The following UPRT variants were observed in gnomAD, a reference collection of about 807,000 sequenced individuals.
UPRT encodes RP11-311P8.3.
In UPRT, 5 loss-of-function variants were observed where a neutral mutation model predicts 22.6. The observed-to-expected ratio is 0.22, with a 90% CI of 0.12 to 0.47. UPRT has a LOEUF of 0.47. UPRT is among the 20% of genes least tolerant of loss of function. The probability of loss-of-function intolerance (pLI) is 0.99; values close to 1 mark genes in which losing one functional copy is unlikely to be tolerated. For missense variants in UPRT, 181 were observed against 239.9 expected (o/e 0.75, Z 1.62); for synonymous variants, 77 against 87.7 (o/e 0.88, Z 0.68).
intron 4 of UPRT, among the ~76,000 whole-genome samples, chrX:75,253,357 GAGAT>G (rs1444898337): frequency 8.9e-6 from 1 of 112,024 alleles, no homozygotes; most frequent in Non-Finnish European, 1.9e-5. Flanking sequence ...AAACCACAAT[GAGAT>G]AGCATCTCCA....
chrX:75,180,707 T>G lies in UPRT; in HGVS notation c.-447+12828T>G, dbSNP rs1035306773. The stretch of plus-strand genomic sequence containing the variant: ...TTTTTTTTTTTTTGTTTTTTTTTTT[T>G]TTTTTTTTTTTTTGCTTGTTAATTT... On this transcript the variant is annotated intron_variant, in intron 4 of 13. Transcript: ENST00000652605. Among the ~76,000 whole-genome samples the G allele has an allele frequency of 7.4e-4, 70 of 94,352 alleles. 1 individual carries two copies. Among genetic ancestry groups the G allele is most frequent in the Non-Finnish European group, 7.9e-4 (37 of 46,896 alleles). 81.9% of individuals were successfully genotyped at this position (94,352 alleles called of 115,157 possible). A position where few individuals can be genotyped will look rare whatever the true frequency, so the allele number is the denominator to read the frequency against.
At chrX:75,250,308 C>G (rs1319173631) in intron 4 of UPRT, among the ~76,000 whole-genome samples, 1 of 109,225 alleles carries the variant, frequency 9.2e-6, no homozygotes. Context: ...ATTGATAGAC[C>G]ACTAGCAAGA....
intron 4 of UPRT, among the ~76,000 whole-genome samples, chrX:75,234,119 A>C (rs1262706651): frequency 9.0e-6 from 1 of 110,709 alleles, no homozygotes; most frequent in East Asian, 2.8e-4. Flanking sequence ...AAACAAAAAA[A>C]GGCAGGGGTT....
intron 4 of UPRT, among the ~76,000 whole-genome samples, chrX:75,222,994 G>A (rs1402168685): frequency 1.8e-5 from 2 of 110,737 alleles, no homozygotes; most frequent in African/African-American, 6.6e-5. Flanking sequence ...CCCACGGCAA[G>A]TAGTACCTGG....
At chrX:75,225,491 T>C (rs1045376494) in intron 4 of UPRT, among the ~76,000 whole-genome samples, 3 of 111,008 alleles carry the variant, frequency 2.7e-5, no homozygotes, top group Admixed American at 9.6e-5. Flanking sequence ...CTGAGAATAA[T>C]GCTTCCAGTT....
intron 1 of UPRT, among the ~76,000 whole-genome samples, chrX:75,157,321 G>A (rs996561284): frequency 1.8e-5 from 2 of 112,296 alleles, no homozygotes; most frequent in African/African-American, 6.5e-5. Flanking sequence ...GAAATCTGTA[G>A]CCCATGCAGT....
chrX:75,266,490 GA>G (rs1037842674), intron 4 of UPRT, among the ~76,000 whole-genome samples: 38 of 111,324 alleles, frequency 3.4e-4, no homozygotes, highest in Non-Finnish European at 5.8e-4. Flanking sequence ...AAAAACCCTG[GA>G]AGAAAACCTA....
exon 3 of UPRT, among the ~76,000 whole-genome samples, chrX:75,163,191 A>T (rs775702219): frequency 3.8e-4 from 42 of 111,637 alleles, no homozygotes; most frequent in Non-Finnish European, 7.3e-4. Context: ...TTCCAGAAGG[A>T]TCCTCAGATC....
chrX:75,211,323 G>A (rs1158639513), intron 4 of UPRT, among the ~76,000 whole-genome samples: 1 of 111,432 alleles, frequency 9.0e-6, no homozygotes, highest in Non-Finnish European at 1.9e-5. Flanking sequence ...GTCCCCCAGA[G>A]GCCGGAGTGG....
chrX:75,212,217 A>G (rs2082382060), intron 4 of UPRT, among the ~76,000 whole-genome samples: 2 of 112,453 alleles, frequency 1.8e-5, no homozygotes, highest in African/African-American at 6.5e-5. Flanking sequence ...TTATCCAAAA[A>G]CCACAGAATA....
chrX:75,301,878 A>G (rs756225824), intron 6 of UPRT, among the ~76,000 whole-genome samples: 1 of 112,155 alleles, frequency 8.9e-6, no homozygotes, highest in South Asian at 3.7e-4. Flanking sequence ...ACAGACACAC[A>G]GTGTTGTTTC....
chrX:75,170,471 T>C (rs1217935840), intron 4 of UPRT, among the ~76,000 whole-genome samples: 2 of 112,147 alleles, frequency 1.8e-5, no homozygotes, highest in Admixed American at 1.9e-4. Flanking sequence ...TGAGTCCTTA[T>C]GTGTTGGGTG....
chrX:75,257,880 G>A (rs1436107954), intron 4 of UPRT, among the ~76,000 whole-genome samples: 1 of 111,298 alleles, frequency 9.0e-6, no homozygotes, highest in African/African-American at 3.3e-5. Context: ...ATTTCCAACT[G>A]AGGTACCCGG....
chrX:75,239,986 A>G (rs1382712240), intron 4 of UPRT, among the ~76,000 whole-genome samples: 1 of 111,266 alleles, frequency 9.0e-6, no homozygotes, highest in Non-Finnish European at 1.9e-5. Context: ...CACAGACAAC[A>G]TTATATTAAA....
intron 4 of UPRT, among the ~76,000 whole-genome samples, chrX:75,210,836 G>A (rs770352178): frequency 9.9e-5 from 11 of 111,448 alleles, no homozygotes; most frequent in African/African-American, 2.6e-4. Flanking sequence ...AGCATCTCAC[G>A]TCATTTACCA....
At chrX:75,255,994 T>C (rs2082548467) in intron 4 of UPRT, among the ~76,000 whole-genome samples, 1 of 111,928 alleles carries the variant, frequency 8.9e-6, no homozygotes, top group African/African-American at 3.3e-5. Flanking sequence ...GGATTTAAAC[T>C]GTACTCTGGA....
At chrX:75,172,432 A>G (rs906336591) in intron 4 of UPRT, among the ~76,000 whole-genome samples, 2 of 111,572 alleles carry the variant, frequency 1.8e-5, no homozygotes, top group South Asian at 7.5e-4. Flanking sequence ...GACTCCCATC[A>G]TGCTCTCCCC....
intron 4 of UPRT, among the ~76,000 whole-genome samples, chrX:75,172,178 A>G (rs1041687255): frequency 1.8e-5 from 2 of 111,750 alleles, no homozygotes; most frequent in Admixed American, 9.4e-5. Context: ...TTCAGCTACC[A>G]GGATGGGTAG....
chrX:75,253,237 G>C (rs1245127796), intron 4 of UPRT, among the ~76,000 whole-genome samples: 1 of 111,655 alleles, frequency 9.0e-6, no homozygotes, highest in Non-Finnish European at 1.9e-5. Flanking sequence ...ACCCAATTAA[G>C]AAGTGGGCAG....
Sources: allele counts gnomAD v4.1 joint callset (sites outside exome capture counted in the v4.1 genomes callset), GRCh38; gene constraint gnomAD v4.1.1; transcripts MANE v1.5; gene names NCBI Gene and HGNC (gene_info 2026-07-23, HGNC 2026-07-21).